Variants in DNAH5 observed in about 807,000 individuals in gnomAD.
DNAH5 encodes the protein dynein axonemal heavy chain 5, also known as axonemal beta dynein heavy chain 5.
DNAH5 carries 372 observed loss-of-function variants against 518.2 expected under a neutral mutation model. The ratio of observed to expected loss-of-function variants is 0.72; its 90% CI spans 0.66 to 0.78. DNAH5 has a LOEUF of 0.78. DNAH5 is among the 30% of genes least tolerant of loss of function. The probability of loss-of-function intolerance (pLI) is 0.00; values close to 1 mark genes in which losing one functional copy is unlikely to be tolerated. For missense variants in DNAH5, 5,523 were observed against 5,687.0 expected (o/e 0.97, Z 0.93); for synonymous variants, 2,039 against 2,025.9 (o/e 1.01, Z -0.17).
At chr5:13,823,452 C>T in intron 39 of DNAH5, 82 bp from the exon 40 acceptor site, 3 of 888,382 alleles carry the variant, frequency 3.4e-6, no homozygotes, top group Non-Finnish European at 5.7e-6. Flanking sequence ...ATGCCCAACA[C>T]AGTCCGGGTT....
At chr5:13,878,582 C>T (rs113444576) in intron 21 of DNAH5, among the ~76,000 whole-genome samples, 1 of 152,164 alleles carries the variant, frequency 6.6e-6, no homozygotes, top group Admixed American at 6.5e-5. Context: ...CTAGGCCTAG[C>T]CATTCTTTCT....
intron 78 of DNAH5, among the ~76,000 whole-genome samples, chr5:13,695,518 A>G (rs571010445): frequency 1.3e-5 from 2 of 152,320 alleles, no homozygotes; most frequent in East Asian, 3.9e-4. Flanking sequence ...ACAGAATCTC[A>G]AGTAGAAGAT....
chr5:13,758,952 A>C lies in DNAH5; in HGVS notation c.10313T>G (p.Leu3438Arg), dbSNP rs1008739784. 1 of 1,614,182 alleles carries C rather than the reference A, an allele frequency of 6.2e-7. No homozygotes were observed. The highest frequency in any genetic ancestry group is 8.5e-7 in the Non-Finnish European group (1 of 1,180,022). The change falls in exon 61 of 79, where the codon CTC becomes CGC. Residue 3438 changes from leucine (L) to arginine (R), a missense_variant. Leu to Arg is a moderately radical substitution (Grantham distance 102). This residue lies in a region of DNAH5 where 5,121 missense variants were observed against 5,223.3 expected (regional missense o/e 0.98). Coordinates refer to ENST00000265104, the MANE Select transcript of DNAH5 (RefSeq NM_001369.3). ...ANLVVQENRH[L>R]LAMQDLQKAQ... ...TTTCTGCAGATCCTGCATGGCCAGG[A>C]GATGGCGATTCTCTTGCACCACCAA...
chr5:13,778,596 A>AAGAGAGAGAGAAAGAAAG (rs1754585725), intron 53 of DNAH5, among the ~76,000 whole-genome samples: 1 of 102,152 alleles, frequency 9.8e-6, no homozygotes, highest in African/African-American at 3.7e-5. Context: ...GAAAGAAAGA[A>AAGAGAGAGAGAAAGAAAG]AGAGAGAGAG....
intron 1 of DNAH5, among the ~76,000 whole-genome samples, chr5:13,962,178 TTTG>T (rs1332177234): frequency 1.3e-5 from 2 of 152,288 alleles, no homozygotes; most frequent in Admixed American, 6.5e-5. Context: ...GGTTTTTGGT[TTTG>T]TTATTATGTT....
At chr5:13,886,416 C>A (rs1319708274) in intron 17 of DNAH5, among the ~76,000 whole-genome samples, 3 of 152,210 alleles carry the variant, frequency 2.0e-5, no homozygotes, top group Admixed American at 2.0e-4. Flanking sequence ...CCTCTCTACT[C>A]GTCACATTTC....
intron 41 of DNAH5, 47 bp downstream of exon 41, chr5:13,820,299 A>G: frequency 6.3e-7 from 1 of 1,598,844 alleles, no homozygotes; most frequent in East Asian, 2.2e-5. Context: ...ATGGGTCACC[A>G]CTACTTAAAT....
upstream of DNAH5, among the ~76,000 whole-genome samples, chr5:13,948,775 C>T (rs535453620): frequency 8.7e-6 from 1 of 114,346 alleles, no homozygotes; most frequent in South Asian, 3.6e-4. Context: ...ATTATAGCTG[C>T]ACGCCGGTAA....
chr5:13,846,621 G>A (rs1257078301), intron 31 of DNAH5, among the ~76,000 whole-genome samples: 1 of 152,140 alleles, frequency 6.6e-6, no homozygotes, highest in Non-Finnish European at 1.5e-5. Context: ...AAGAAAAGAA[G>A]GAGATACAAA....
At chr5:13,740,074 A>G (rs1467075034) in intron 65 of DNAH5, among the ~76,000 whole-genome samples, 1 of 152,052 alleles carries the variant, frequency 6.6e-6, no homozygotes, top group African/African-American at 2.4e-5. Flanking sequence ...ATTCTTCTAG[A>G]TGCTCTGGCC....
intron 58 of DNAH5, among the ~76,000 whole-genome samples, chr5:13,767,256 C>G (rs938354637): frequency 3.3e-5 from 5 of 152,296 alleles, no homozygotes; most frequent in Admixed American, 3.3e-4. Flanking sequence ...TCCTGAATAG[C>G]TGGGACTACA....
rs1185915072 is a variant in DNAH5, at chr5:13,730,704, TA to T, written c.11762-1145del. ...CCACCTCGGCCTCCCAAAGTGCTGT[TA>T]TTTTTTTTTTTTTTTGAGATGTAGT... On this transcript the variant is annotated intron_variant, in intron 68 of 78. Coordinates refer to ENST00000265104, the MANE Select transcript of DNAH5 (RefSeq NM_001369.3). 2.2e-3 allele frequency among the ~76,000 whole-genome samples: 332 copies of T among 150,952 alleles called. 7 individuals carry two copies. In the East Asian group the frequency reaches 0.049, roughly 22 times the overall value.
chr5:13,994,078 A>G (rs2582697), intron 1 of DNAH5, among the ~76,000 whole-genome samples: 1 of 152,134 alleles, frequency 6.6e-6, no homozygotes, highest in Non-Finnish European at 1.5e-5. Context: ...GGATCTTCCC[A>G]TGACTCCTGC....
intron 29 of DNAH5, 22 bp from the exon 30 acceptor site, chr5:13,859,627 G>C: frequency 6.2e-7 from 1 of 1,612,670 alleles, no homozygotes; most frequent in South Asian, 1.1e-5. Context: ...AATAGGTTTA[G>C]GGTTTGGTTT....
chr5:13,837,534 G>C (rs1388845833), intron 35 of DNAH5, among the ~76,000 whole-genome samples: 1 of 150,416 alleles, frequency 6.6e-6, no homozygotes, highest in Non-Finnish European at 1.5e-5. Context: ...CGCACATGGT[G>C]GTGGAGATGA....
intron 2 of DNAH5, among the ~76,000 whole-genome samples, chr5:13,930,820 GT>G (rs1027342548): frequency 1.3e-5 from 2 of 152,202 alleles, no homozygotes; most frequent in Admixed American, 6.5e-5. Flanking sequence ...CCCGGCTTTA[GT>G]TTCCAAAATG....
chr5:13,748,883 C>G (rs1264158908), intron 65 of DNAH5, among the ~76,000 whole-genome samples: 1 of 151,956 alleles, frequency 6.6e-6, no homozygotes, highest in Admixed American at 6.6e-5. Flanking sequence ...CTTTCTCCTG[C>G]TTGATTGCCC....
At position 13,777,406 on chromosome 5, in the gene DNAH5, G is replaced by A. The variant is rs369103945; in HGVS notation, c.8952-51C>T. 2.0e-4 allele frequency: 320 copies of A among 1,563,488 alleles called. 1 individual carries two copies. In the African/African-American group the frequency reaches 3.6e-3, roughly 18 times the overall value. On this transcript the variant is annotated intron_variant, in intron 53 of 78. Transcript: ENST00000265104. ...TTAGCTAAAATATTTTCATGAGAGG[G>A]AAAGAACCTTGTAACAACGCATTAT... is the stretch of plus-strand genomic sequence containing the variant.
chr5:13,695,488 A>C (rs13176057), intron 78 of DNAH5, among the ~76,000 whole-genome samples: 86,679 of 151,966 alleles, frequency 0.57, 25,093 homozygotes, highest in African/African-American at 0.66. Context: ...TCATCCCAGG[A>C]ACTACGAGGA....
Sources: allele counts gnomAD v4.1 joint callset (sites outside exome capture counted in the v4.1 genomes callset), GRCh38; gene constraint gnomAD v4.1.1; regional missense constraint gnomAD v4.1.1; transcripts MANE v1.5; gene names NCBI Gene and HGNC (gene_info 2026-07-23, HGNC 2026-07-21).